The following CDH23 variants were observed in gnomAD, a reference collection of about 807,000 sequenced individuals.
CDH23 encodes the protein cadherin related 23.
Under a neutral mutation model 317.1 loss-of-function variants are expected in CDH23, and 189 were observed. The ratio of observed to expected loss-of-function variants is 0.60; its 90% CI spans 0.53 to 0.67. The LOEUF is 0.67. Among genes scored for constraint, CDH23 ranks in the 30% least tolerant of loss-of-function variants. The pLI is 0.00. For synonymous variants in CDH23, 1,839 were observed against 1,876.8 expected (o/e 0.98, Z 0.52); for missense variants, 4,401 against 4,592.4 (o/e 0.96, Z 1.20).
chr10:71,673,869 GT>G (rs1401218926), intron 14 of CDH23, among the ~76,000 whole-genome samples: 26 of 152,216 alleles, frequency 1.7e-4, no homozygotes, highest in African/African-American at 6.3e-4. Flanking sequence ...GAGAGGCCCC[GT>G]CCAGGAGCCA....
chr10:71,468,486 G>T (rs1436279487), intron 3 of CDH23, among the ~76,000 whole-genome samples: 1 of 152,138 alleles, frequency 6.6e-6, no homozygotes, highest in African/African-American at 2.4e-5. Context: ...CTGTGTGGAT[G>T]CTTGGTCCCC....
At chr10:71,737,181 G>C (rs951799522) in intron 34 of CDH23, among the ~76,000 whole-genome samples, 3 of 152,180 alleles carry the variant, frequency 2.0e-5, no homozygotes, top group African/African-American at 7.2e-5. Context: ...GAACTCCATA[G>C]CAAAACTCAT....
chr10:71,438,628 A>G (rs1456206888), intron 1 of CDH23, among the ~76,000 whole-genome samples: 1 of 152,076 alleles, frequency 6.6e-6, no homozygotes, highest in Admixed American at 6.5e-5. Context: ...TCACCCCTAT[A>G]TCTTGGCAGA....
Position 71,814,713 on chromosome 10 carries a change from T to TACACACACAC in CDH23, c.9739-225_9739-216dup, listed in dbSNP as rs34475820. 2.1e-3 allele frequency among the ~76,000 whole-genome samples: 314 copies of TACACACACAC among 146,986 alleles called. 2 individuals are homozygous for TACACACACAC. Among genetic ancestry groups the TACACACACAC allele is most frequent in the African/African-American group, 7.3e-3 (293 of 40,080 alleles). On this transcript the variant is annotated intron_variant, in intron 69 of 69. Coordinates refer to ENST00000224721, the MANE Select transcript of CDH23 (RefSeq NM_022124.6). Reference sequence around the variant, plus strand: ...ACACACAATTTTCACAAGAAGCCGATACACACACACACACACACACACAGA... The same window carrying TACACACACAC: ...ACACACAATTTTCACAAGAAGCCGATACACACACACACACACACACACACACACACACAGA...
intron 20 of CDH23, among the ~76,000 whole-genome samples, chr10:71,693,401 ATGT>A (rs1219690353): frequency 3.9e-5 from 6 of 152,366 alleles, no homozygotes; most frequent in East Asian, 1.9e-4. Flanking sequence ...CGAACAAGAA[ATGT>A]TGTTTAATTG....
intron 3 of CDH23, among the ~76,000 whole-genome samples, chr10:71,491,561 T>C (rs1852660658): frequency 6.6e-6 from 1 of 152,202 alleles, no homozygotes; most frequent in African/African-American, 2.4e-5. Flanking sequence ...TCTTCTCTTT[T>C]TGACCTCAGC....
chr10:71,649,952 G>T (rs1043572150), intron 14 of CDH23, among the ~76,000 whole-genome samples: 2 of 152,170 alleles, frequency 1.3e-5, no homozygotes, highest in Non-Finnish European at 2.9e-5. Flanking sequence ...TTCACACAGC[G>T]ACTCCATATC....
In CDH23 at chr10:71,439,844, G is replaced by A; in HGVS notation, c.13G>A (p.Val5Ile). 6.4e-7 allele frequency: 1 copy of A among 1,569,314 alleles called. No individual in the cohort carries two copies. Among genetic ancestry groups the A allele is most frequent in the Non-Finnish European group, 8.6e-7 (1 of 1,156,088 alleles). Residue 5 changes from valine (V) to isoleucine (I), a missense_variant, in exon 2 of 70, where the codon GTT (valine) becomes ATT (isoleucine). By Grantham distance (29) the Val-to-Ile change is conservative (BLOSUM62 3). This residue lies in a region of CDH23 where 3,068 missense variants were observed against 3,203.3 expected (regional missense o/e 0.96). Transcript: ENST00000224721. Reference protein sequence around the residue: MGRHVATSCHVAWLL... With the variant: MGRHIATSCHVAWLL... ...GTCCCCAGGAGCCATGGGGCGCCAT[G>A]TTGCCACCAGCTGCCACGTGGCCTG...
In CDH23 at chr10:71,732,053, G is replaced by A. The variant is rs2132824616; in HGVS notation, c.3782G>A (p.Ser1261Asn). The change falls in exon 32 of 70, where the codon AGC (serine) becomes AAC (asparagine). Residue 1261 changes from serine (S) to asparagine (N), a missense_variant. This residue lies in a region of CDH23 where 3,068 missense variants were observed against 3,203.3 expected (regional missense o/e 0.96). Coordinates refer to ENST00000224721, the MANE Select transcript of CDH23 (RefSeq NM_022124.6). ...GAEGKFEIDE[S>N]TGLIITVNYL... ...GAGGGGAAGTTTGAGATTGACGAGAGCACAGGGCTTATCATCACCGTGAAT... is the reference window on the plus strand; with the variant it reads ...GAGGGGAAGTTTGAGATTGACGAGAACACAGGGCTTATCATCACCGTGAAT... The A allele has an allele frequency of 1.2e-6, 2 of 1,614,014 alleles. No individual in the cohort carries two copies. The highest frequency in any genetic ancestry group is 1.7e-6 in the Non-Finnish European group (2 of 1,179,890).
In CDH23 at chr10:71,802,990, C is replaced by T; in HGVS notation, c.7575C>T (p.Gly2525=). 1.9e-6 allele frequency: 3 copies of T among 1,614,010 alleles called. No individual in the cohort carries two copies. Among genetic ancestry groups the T allele is most frequent in the Non-Finnish European group, 2.5e-6 (3 of 1,179,892 alleles). The change falls in exon 54 of 70, where the codon GGC becomes GGT. Residue 2525 remains glycine, a synonymous_variant. Transcript: ENST00000224721. The part of the protein sequence containing the change: ...STSVYENEPA[G]TSVITMMATD... ...GCGTGTATGAGAATGAGCCGGCGGG[C>T]ACCTCGGTCATCACCATGATGGCCA...
intron 3 of CDH23, among the ~76,000 whole-genome samples, chr10:71,482,017 T>C (rs1428176563): frequency 2.0e-5 from 3 of 151,902 alleles, no homozygotes; most frequent in African/African-American, 7.3e-5. Context: ...CTTCCCACCC[T>C]CCCCGTCCAG....
chr10:71,731,311 A>G (rs1208160417), intron 31 of CDH23, among the ~76,000 whole-genome samples: 1 of 151,920 alleles, frequency 6.6e-6, no homozygotes, highest in Non-Finnish European at 1.5e-5. Context: ...GTGGCTCCCA[A>G]CTCCTCTCTC....
intron 1 of CDH23, among the ~76,000 whole-genome samples, chr10:71,430,653 C>A (rs559986546): frequency 6.6e-6 from 1 of 152,244 alleles, no homozygotes; most frequent in South Asian, 2.1e-4. Flanking sequence ...ACTAAAAATA[C>A]AAAAATGTTA....
chr10:71,429,931 A>AG (rs1212586610), intron 1 of CDH23, among the ~76,000 whole-genome samples: 1 of 152,194 alleles, frequency 6.6e-6, no homozygotes, highest in Non-Finnish European at 1.5e-5. Context: ...CCAACAATGT[A>AG]GTAAGGATGA....
At chr10:71,584,442 T>G (rs1036610650) in intron 9 of CDH23, among the ~76,000 whole-genome samples, 1 of 152,208 alleles carries the variant, frequency 6.6e-6, no homozygotes, top group Non-Finnish European at 1.5e-5. Flanking sequence ...CTTGCTTGTC[T>G]CTGAATTTTA....
intron 14 of CDH23, chr10:71,647,031 G>T: frequency 1.0e-6 from 1 of 985,464 alleles, no homozygotes; most frequent in Non-Finnish European, 1.2e-6. Flanking sequence ...GGCACCCCCA[G>T]CTGCCCATGG....
chr10:71,551,481 C>G (rs1050136158), intron 6 of CDH23, among the ~76,000 whole-genome samples: 1 of 152,204 alleles, frequency 6.6e-6, no homozygotes, highest in Non-Finnish European at 1.5e-5. Flanking sequence ...GCCCTTGGAA[C>G]TTCCTGATCG....
Position 71,751,905 on chromosome 10 carries a change from C to T in CDH23, c.4845+9984C>T, listed in dbSNP as rs374701065. On this transcript the variant is annotated intron_variant, in intron 38 of 69. Transcript: ENST00000224721. This position sits in a 1 kb window ranked among gnomAD's most constrained non-coding sequence, Gnocchi z 4.9. ...GGAAGGTCATCTGTGCTGTCCGGAG[C>T]GTGAACTCTGCCCTCCCTGCCCCCA... The T allele has an allele frequency of 1.5e-5, 23 of 1,531,348 alleles. No homozygotes were observed. In the African/African-American group the frequency reaches 1.7e-4, roughly 11 times the overall value. 94.9% of individuals were successfully genotyped at this position (1,531,348 alleles called of 1,614,324 possible).
At chr10:71,421,942 TCCTTATTAACC>T (rs963102693) in intron 1 of CDH23, among the ~76,000 whole-genome samples, 1 of 152,038 alleles carries the variant, frequency 6.6e-6, no homozygotes, top group Non-Finnish European at 1.5e-5. Flanking sequence ...AGGAAAGGCA[TCCTTATTAACC>T]AAGTTGTCCA....
Sources: allele counts gnomAD v4.1 joint callset (sites outside exome capture counted in the v4.1 genomes callset), GRCh38; gene constraint gnomAD v4.1.1; regional missense constraint gnomAD v4.1.1; non-coding constraint Gnocchi (gnomAD v3.1); transcripts MANE v1.5; gene names NCBI Gene and HGNC (gene_info 2026-07-23, HGNC 2026-07-21).